The following PEAK1 variants were observed in gnomAD, a reference collection of about 807,000 sequenced individuals.
PEAK1 encodes pseudopodium enriched atypical kinase 1.
PEAK1 carries 54 observed loss-of-function variants against 124.7 expected under a neutral mutation model. The ratio of observed to expected loss-of-function variants is 0.43; its 90% CI spans 0.35 to 0.54. The LOEUF is 0.54. PEAK1 is among the 20% of genes least tolerant of loss of function. PEAK1 has a pLI of 0.01. For synonymous variants in PEAK1, 719 were observed against 760.0 expected (o/e 0.95, Z 0.89); for missense variants, 2,046 against 2,134.5 (o/e 0.96, Z 0.82).
Position 77,259,508 on chromosome 15 carries a change from C to T in PEAK1, c.-274-6982G>A, listed in dbSNP as rs1048037661. On this transcript the variant is annotated intron_variant, in intron 5 of 9. Transcript: ENST00000682557. ...CAGACACAGTTCATTTATAACAATA[C>T]TGAGAAAAAGTACATCAATGGATAA... is the stretch of plus-strand genomic sequence containing the variant. Among the ~76,000 whole-genome samples, 5 of 152,138 alleles carry T rather than the reference C, an allele frequency of 3.3e-5. No homozygotes were observed. The East Asian group carries it at 5.8e-4, about 18-fold the overall frequency.
rs890865990 is a variant in PEAK1, at chr15:77,404,669, A to G, written c.-666+15337T>C. On this transcript the variant is annotated intron_variant, in intron 1 of 9. Coordinates refer to ENST00000682557, the MANE Select transcript of PEAK1 (RefSeq NM_001385026.1). Reference sequence around the variant, plus strand: ...TTTGAGACATATTCTTCGAGACTATAAAGAGTCTGCTGTACTAATATATTT... The same window carrying G: ...TTTGAGACATATTCTTCGAGACTATGAAGAGTCTGCTGTACTAATATATTT... 11 of 953,806 alleles carry G rather than the reference A, an allele frequency of 1.2e-5. No individual in the cohort carries two copies. The Admixed American group carries it at 5.6e-4, about 48-fold the overall frequency. 59.1% of individuals were successfully genotyped at this position (953,806 alleles called of 1,614,324 possible).
intron 8 of PEAK1, among the ~76,000 whole-genome samples, chr15:77,135,475 T>C (rs1021659999): frequency 1.3e-5 from 2 of 152,182 alleles, no homozygotes; most frequent in African/African-American, 2.4e-5. Flanking sequence ...ACCTAGGCCA[T>C]ATGGTATAGC....
chr15:77,414,212 T>C (rs954326640), intron 1 of PEAK1, among the ~76,000 whole-genome samples: 92 of 142,134 alleles, frequency 6.5e-4, no homozygotes, highest in Middle Eastern at 3.5e-3. Context: ...TCCTTCTTTT[T>C]TTTTTTTTTT....
At chr15:77,239,341 G>T (rs1437734578) in intron 6 of PEAK1, among the ~76,000 whole-genome samples, 1 of 151,996 alleles carries the variant, frequency 6.6e-6, no homozygotes, top group East Asian at 1.9e-4. Flanking sequence ...TATTTTAATT[G>T]AACAAGGGTA....
intron 1 of PEAK1, chr15:77,403,446 T>C: frequency 1.1e-6 from 1 of 927,220 alleles, no homozygotes; most frequent in Non-Finnish European, 1.3e-6. Context: ...ATTGTAAGGG[T>C]AAATAATTAT....
chr15:77,268,473 CAA>C (rs895058121), intron 5 of PEAK1, among the ~76,000 whole-genome samples: 3 of 116,038 alleles, frequency 2.6e-5, no homozygotes, highest in Non-Finnish European at 3.6e-5. Flanking sequence ...GATTCCATCT[CAA>C]AAAAAAAAAA....
chr15:77,386,997 A>G (rs376105071), intron 1 of PEAK1, among the ~76,000 whole-genome samples: 1 of 152,206 alleles, frequency 6.6e-6, no homozygotes. Flanking sequence ...TTTAAACAAG[A>G]CATAGTAAAC....
intron 6 of PEAK1, among the ~76,000 whole-genome samples, chr15:77,209,154 T>C (rs1463485806): frequency 1.3e-5 from 2 of 152,186 alleles, no homozygotes; most frequent in Non-Finnish European, 2.9e-5. Context: ...AAAAGTCTAG[T>C]CTAAGATAAC....
At chr15:77,375,547 C>T (rs2068940167) in intron 1 of PEAK1, among the ~76,000 whole-genome samples, 1 of 152,174 alleles carries the variant, frequency 6.6e-6, no homozygotes, top group African/African-American at 2.4e-5. Flanking sequence ...ACACTTCTGA[C>T]CCTGATTTGG....
At chr15:77,278,204 A>G (rs1400146311) in intron 5 of PEAK1, among the ~76,000 whole-genome samples, 3 of 152,168 alleles carry the variant, frequency 2.0e-5, no homozygotes, top group South Asian at 4.1e-4. Context: ...AACACTGGAA[A>G]CGAAATGTTC....
chr15:77,392,652 C>G (rs971355793), intron 1 of PEAK1, among the ~76,000 whole-genome samples: 2 of 152,096 alleles, frequency 1.3e-5, no homozygotes, highest in Non-Finnish European at 2.9e-5. Context: ...AGGTTTTCTA[C>G]CCTCATGGAC....
At chr15:77,225,314 A>G (rs2152886061) in intron 6 of PEAK1, among the ~76,000 whole-genome samples, 1 of 152,056 alleles carries the variant, frequency 6.6e-6, no homozygotes, top group African/African-American at 2.4e-5. Flanking sequence ...TTGTCTCCAG[A>G]TATTTCCCCA....
chr15:77,376,311 G>A (rs2069022948), intron 1 of PEAK1, among the ~76,000 whole-genome samples: 1 of 152,046 alleles, frequency 6.6e-6, no homozygotes, highest in Admixed American at 6.5e-5. Flanking sequence ...GGAAAATTAA[G>A]GGAAGAGTTT....
chr15:77,149,623 G>A (rs556509988), intron 8 of PEAK1, among the ~76,000 whole-genome samples: 1 of 152,240 alleles, frequency 6.6e-6, no homozygotes, highest in East Asian at 1.9e-4. Flanking sequence ...CCTTAGCTTA[G>A]AACTATTGGA....
chr15:77,411,601 T>C (rs546812584), intron 1 of PEAK1, among the ~76,000 whole-genome samples: 99 of 152,340 alleles, frequency 6.5e-4, no homozygotes, highest in Admixed American at 7.2e-4. Context: ...ATAAGCTTCA[T>C]TAGTACTTCA....
intron 1 of PEAK1, chr15:77,401,478 C>T (rs1488761153): frequency 5.3e-6 from 5 of 942,200 alleles, no homozygotes; most frequent in Non-Finnish European, 6.3e-6. Flanking sequence ...TCAATCTGCA[C>T]TAGTCATAAT....
intron 1 of PEAK1, chr15:77,404,787 T>C: frequency 1.0e-6 from 1 of 972,048 alleles, no homozygotes; most frequent in Non-Finnish European, 1.2e-6. Flanking sequence ...TATCAGATTA[T>C]TAAAGGTACT....
chr15:77,334,211 C>A (rs189742730), intron 2 of PEAK1: 3 of 983,204 alleles, frequency 3.1e-6, no homozygotes, highest in East Asian at 2.3e-4. Context: ...TACATTTAGA[C>A]GTAACTAACC....
intron 5 of PEAK1, among the ~76,000 whole-genome samples, chr15:77,279,721 T>C (rs1213587967): frequency 1.3e-5 from 2 of 152,334 alleles, no homozygotes; most frequent in African/African-American, 2.4e-5. Context: ...TGGTAGTTCA[T>C]TGAAGAAGGG....
Sources: allele counts gnomAD v4.1 joint callset (sites outside exome capture counted in the v4.1 genomes callset), GRCh38; gene constraint gnomAD v4.1.1; transcripts MANE v1.5; gene names NCBI Gene and HGNC (gene_info 2026-07-23, HGNC 2026-07-21).